The following SGCZ variants were observed in gnomAD, a reference collection of about 807,000 sequenced individuals.
The protein encoded by SGCZ is sarcoglycan zeta, also known as zeta-sarcoglycan.
A neutral mutation model predicts 41.3 loss-of-function variants in SGCZ; 40 were observed. The ratio of observed to expected loss-of-function variants is 0.97; its 90% CI spans 0.75 to 1.26. The LOEUF (loss-of-function observed/expected upper bound fraction) is 1.26, where lower values mean the gene tolerates loss of function less well. SGCZ is among the 50% of genes most tolerant of loss of function. The probability of loss-of-function intolerance (pLI) is 0.00; values close to 1 mark genes in which losing one functional copy is unlikely to be tolerated. For missense variants in SGCZ, 552 were observed against 369.8 expected (o/e 1.49, Z -4.04); for synonymous variants, 206 against 137.5 (o/e 1.50, Z -3.49).
At chr8:14,973,060 C>T (rs1015893728) in intron 1 of SGCZ, among the ~76,000 whole-genome samples, 13 of 152,130 alleles carry the variant, frequency 8.5e-5, no homozygotes, top group African/African-American at 3.1e-4. Flanking sequence ...TGGATATTTG[C>T]ATACTCTTAA....
At chr8:15,030,324 A>T (rs1004774681) in intron 1 of SGCZ, among the ~76,000 whole-genome samples, 1 of 152,174 alleles carries the variant, frequency 6.6e-6, no homozygotes, top group Non-Finnish European at 1.5e-5. Flanking sequence ...AAATCTTTCT[A>T]TTCTAATATG....
intron 2 of SGCZ, among the ~76,000 whole-genome samples, chr8:14,407,131 C>G (rs1469380799): frequency 7.0e-6 from 1 of 143,292 alleles, no homozygotes; most frequent in Non-Finnish European, 1.5e-5. Context: ...TGCAGTGGTG[C>G]CATCTGGGTA....
At chr8:15,046,357 T>G (rs2130986230) in intron 1 of SGCZ, among the ~76,000 whole-genome samples, 1 of 152,108 alleles carries the variant, frequency 6.6e-6, no homozygotes, top group African/African-American at 2.4e-5. Context: ...TCAAGTTAAT[T>G]CCCCCAAATC....
chr8:15,060,206 A>G (rs1406024111), intron 1 of SGCZ, among the ~76,000 whole-genome samples: 1 of 152,182 alleles, frequency 6.6e-6, no homozygotes, highest in Non-Finnish European at 1.5e-5. Context: ...ACTGCTATAA[A>G]GACACATGCA....
intron 1 of SGCZ, among the ~76,000 whole-genome samples, chr8:14,581,950 T>A (rs762190831): frequency 6.6e-6 from 1 of 152,108 alleles, no homozygotes; most frequent in African/African-American, 2.4e-5. Flanking sequence ...CTGTCTCTCA[T>A]GCTTCCCATT....
At chr8:14,661,621 T>C (rs1258965178) in intron 1 of SGCZ, among the ~76,000 whole-genome samples, 1 of 152,114 alleles carries the variant, frequency 6.6e-6, no homozygotes, top group African/African-American at 2.4e-5. Flanking sequence ...TCAGTAGCAT[T>C]TGGGGATTTC....
chr8:14,566,151 A>G (rs1332217117), intron 1 of SGCZ, among the ~76,000 whole-genome samples: 6 of 152,258 alleles, frequency 3.9e-5, no homozygotes, highest in African/African-American at 1.2e-4. Flanking sequence ...TAACTAAAAT[A>G]AGTGTTTAAT....
rs552066701 is a variant in SGCZ, at chr8:14,566,463, G to A, written c.40-11537C>T. ...CCCTGATTCTCTGCTCTCCACTGGCGGATCTCAGTAGAGACCATACAAGAG... is the reference window on the plus strand; with the variant it reads ...CCCTGATTCTCTGCTCTCCACTGGCAGATCTCAGTAGAGACCATACAAGAG... On this transcript the variant is annotated intron_variant, in intron 1 of 7. Transcript: ENST00000382080. 3.7e-4 allele frequency among the ~76,000 whole-genome samples: 57 copies of A among 152,222 alleles called. 1 individual carries two copies. Among genetic ancestry groups the A allele is most frequent in the African/African-American group, 1.2e-3 (51 of 41,544 alleles).
At chr8:14,582,319 G>T (rs1804917288) in intron 1 of SGCZ, among the ~76,000 whole-genome samples, 1 of 152,030 alleles carries the variant, frequency 6.6e-6, no homozygotes, top group Non-Finnish European at 1.5e-5. Flanking sequence ...TTTCAACTAT[G>T]TGGGGGATCA....
intron 1 of SGCZ, among the ~76,000 whole-genome samples, chr8:15,031,543 C>T (rs1028609186): frequency 6.6e-6 from 1 of 152,142 alleles, no homozygotes. Context: ...ATTCAATCCT[C>T]ACAACAACCC....
intron 1 of SGCZ, among the ~76,000 whole-genome samples, chr8:14,784,966 T>A (rs1214994128): frequency 1.5e-5 from 2 of 137,656 alleles, no homozygotes; most frequent in Non-Finnish European, 3.1e-5. Flanking sequence ...TATATATATA[T>A]AATATATATA....
At chr8:14,121,363 C>T (rs908747199) in intron 5 of SGCZ, among the ~76,000 whole-genome samples, 4 of 151,876 alleles carry the variant, frequency 2.6e-5, no homozygotes, top group Non-Finnish European at 4.4e-5. Flanking sequence ...AAATTGATGC[C>T]GTTATAAGGG....
chr8:15,035,458 C>A (rs925696645), intron 1 of SGCZ, among the ~76,000 whole-genome samples: 9 of 152,160 alleles, frequency 5.9e-5, no homozygotes, highest in South Asian at 2.1e-4. Flanking sequence ...GCAAGACAAC[C>A]AGAATACAAT....
chr8:14,976,315 G>A (rs1294343916), intron 1 of SGCZ, among the ~76,000 whole-genome samples: 5 of 151,896 alleles, frequency 3.3e-5, no homozygotes, highest in Middle Eastern at 3.4e-3. Flanking sequence ...CAGCCACCGC[G>A]CCTGTCCCTC....
At chr8:14,601,351 G>C (rs1278643312) in intron 1 of SGCZ, among the ~76,000 whole-genome samples, 1 of 151,888 alleles carries the variant, frequency 6.6e-6, no homozygotes, top group African/African-American at 2.4e-5. Context: ...TGTTCTCTAA[G>C]GTTTATATCA....
chr8:14,333,981 T>C (rs1802424433), intron 2 of SGCZ, among the ~76,000 whole-genome samples: 1 of 152,132 alleles, frequency 6.6e-6, no homozygotes, highest in African/African-American at 2.4e-5. Context: ...TGGCTAGAAA[T>C]GTGATCTGCT....
rs528475241 is a variant in SGCZ at position 15,132,450 on chromosome 8, T to C, written c.39+105135A>G. ...CATCACATGCCTCATGGAGATACAATAGGCAAGGCATGAATGAATAGATGC... is the reference window on the plus strand; with the variant it reads ...CATCACATGCCTCATGGAGATACAACAGGCAAGGCATGAATGAATAGATGC... On this transcript the variant is annotated intron_variant, in intron 1 of 7. Transcript: ENST00000382080. 3.9e-5 allele frequency among the ~76,000 whole-genome samples: 6 copies of C among 152,244 alleles called. No homozygotes were observed. In the East Asian group the frequency reaches 7.7e-4, roughly 20 times the overall value.
intron 2 of SGCZ, among the ~76,000 whole-genome samples, chr8:14,415,393 G>A (rs964065393): frequency 3.3e-5 from 5 of 151,820 alleles, no homozygotes; most frequent in African/African-American, 4.8e-5. Context: ...AAATAAGCTT[G>A]AGCCAATGAG....
intron 1 of SGCZ, among the ~76,000 whole-genome samples, chr8:14,825,503 A>T (rs1423918839): frequency 6.6e-6 from 1 of 152,220 alleles, no homozygotes; most frequent in East Asian, 1.9e-4. Flanking sequence ...TTCTATACAA[A>T]ATAATTGTGA....
Sources: allele counts gnomAD v4.1 joint callset (sites outside exome capture counted in the v4.1 genomes callset), GRCh38; gene constraint gnomAD v4.1.1; transcripts MANE v1.5; gene names NCBI Gene and HGNC (gene_info 2026-07-23, HGNC 2026-07-21).